The following SEM1 variants were observed in gnomAD, a reference collection of about 807,000 sequenced individuals.
The protein encoded by SEM1 is 26S proteasome complex subunit SEM1.
SEM1 carries 3 observed loss-of-function variants against 12.7 expected under a neutral mutation model. That is an observed-to-expected ratio of 0.24 (90% CI 0.11 to 0.61). SEM1 has a LOEUF of 0.61. SEM1 is among the 20% of genes least tolerant of loss of function. The probability of loss-of-function intolerance (pLI) is 0.88; values close to 1 mark genes in which losing one functional copy is unlikely to be tolerated. For synonymous variants in SEM1, 30 were observed against 27.8 expected (o/e 1.08, Z -0.25); for missense variants, 59 against 81.3 (o/e 0.73, Z 1.06).
chr7:96,524,202 A>G (rs940289994), intron 2 of SEM1, among the ~76,000 whole-genome samples: 13 of 152,114 alleles, frequency 8.5e-5, no homozygotes, highest in African/African-American at 3.1e-4. Flanking sequence ...AAGCATTTCT[A>G]CATCCGCCAT....
intron 2 of SEM1, among the ~76,000 whole-genome samples, chr7:96,641,910 A>C (rs144596643): frequency 1.1e-3 from 169 of 152,056 alleles, no homozygotes; most frequent in African/African-American, 4.0e-3. Flanking sequence ...TAAGCTCCTG[A>C]ATACTCAAAA....
At chr7:96,559,650 A>C (rs1035612580) in intron 2 of SEM1, among the ~76,000 whole-genome samples, 24 of 152,198 alleles carry the variant, frequency 1.6e-4, no homozygotes, top group African/African-American at 5.8e-4. Context: ...TTAGTAAATA[A>C]AGATCTATAT....
chr7:96,482,699 G>A (rs931801690), exon 4 of SEM1: 18 of 152,130 alleles, frequency 1.2e-4, no homozygotes, highest in African/African-American at 4.1e-4. Flanking sequence ...TTATACCATC[G>A]GTGTTGGAGG....
At chr7:96,485,361 A>G (rs1204675476) in intron 2 of SEM1, among the ~76,000 whole-genome samples, 1 of 151,996 alleles carries the variant, frequency 6.6e-6, no homozygotes, top group African/African-American at 2.4e-5. Context: ...TCAAGGCTTC[A>G]GGGGATTCCT....
chr7:96,485,347 C>T (rs569167628), intron 2 of SEM1, among the ~76,000 whole-genome samples: 4 of 151,924 alleles, frequency 2.6e-5, no homozygotes, highest in Non-Finnish European at 4.4e-5. Flanking sequence ...GACTGCATTC[C>T]TTCTCAAGGC....
intron 2 of SEM1, among the ~76,000 whole-genome samples, chr7:96,616,785 C>A (rs1807734850): frequency 6.6e-6 from 1 of 152,176 alleles, no homozygotes; most frequent in Non-Finnish European, 1.5e-5. Context: ...ACTTTCCCAG[C>A]ACCATTTATT....
intron 2 of SEM1, among the ~76,000 whole-genome samples, chr7:96,520,926 T>C (rs1473427717): frequency 1.3e-5 from 2 of 152,194 alleles, no homozygotes. Context: ...CCTCCATGGC[T>C]GATTGTCCTG....
intron 2 of SEM1, among the ~76,000 whole-genome samples, chr7:96,568,622 C>G (rs1805924680): frequency 6.6e-6 from 1 of 151,410 alleles, no homozygotes; most frequent in South Asian, 2.1e-4. Context: ...CCTTTTTTGC[C>G]TCCTTCAGGT....
intron 2 of SEM1, among the ~76,000 whole-genome samples, chr7:96,507,614 A>G (rs997676483): frequency 2.0e-5 from 3 of 152,082 alleles, no homozygotes; most frequent in African/African-American, 7.2e-5. Context: ...GCTGTGGATG[A>G]TGGCTACTAT....
At chr7:96,533,592 C>T (rs550886790) in intron 2 of SEM1, among the ~76,000 whole-genome samples, 9 of 152,108 alleles carry the variant, frequency 5.9e-5, no homozygotes, top group East Asian at 1.9e-4. Flanking sequence ...GTAGCAGAAA[C>T]GGCAGGCGCT....
intron 2 of SEM1, among the ~76,000 whole-genome samples, chr7:96,515,032 T>C (rs1054016566): frequency 6.6e-6 from 1 of 151,954 alleles, no homozygotes; most frequent in Non-Finnish European, 1.5e-5. Flanking sequence ...ATGGTATTGG[T>C]GAAAGAGTAT....
At chr7:96,562,519 T>C (rs778376808) in intron 2 of SEM1, among the ~76,000 whole-genome samples, 5 of 152,076 alleles carry the variant, frequency 3.3e-5, no homozygotes, top group Non-Finnish European at 5.9e-5. Flanking sequence ...ACGCTAAAAA[T>C]TAAAAAATAA....
chr7:96,646,408 T>C (rs768430626), intron 2 of SEM1, among the ~76,000 whole-genome samples: 3 of 152,246 alleles, frequency 2.0e-5, no homozygotes, highest in African/African-American at 4.8e-5. Flanking sequence ...TCTCTTATGT[T>C]CTGGGACCAC....
chr7:96,597,426 G>T (rs1233081574), intron 2 of SEM1, among the ~76,000 whole-genome samples: 1 of 152,072 alleles, frequency 6.6e-6, no homozygotes, highest in African/African-American at 2.4e-5. Context: ...TTATCAGGTG[G>T]TTGTGTTTTC....
intron 2 of SEM1, among the ~76,000 whole-genome samples, chr7:96,584,673 A>G (rs1806546147): frequency 6.7e-6 from 1 of 150,310 alleles, no homozygotes; most frequent in Non-Finnish European, 1.5e-5. Context: ...GTTTCTTTTT[A>G]TTCTTTTTTC....
intron 2 of SEM1, among the ~76,000 whole-genome samples, chr7:96,568,696 A>G (rs1032864603): frequency 6.6e-6 from 1 of 151,870 alleles, no homozygotes; most frequent in Non-Finnish European, 1.5e-5. Context: ...GTGTTGTAAA[A>G]GAGATTAAAA....
intron 2 of SEM1, among the ~76,000 whole-genome samples, chr7:96,582,587 G>T (rs1163354541): frequency 6.6e-6 from 1 of 152,180 alleles, no homozygotes; most frequent in African/African-American, 2.4e-5. Flanking sequence ...ATTCGGCTGT[G>T]AATCTGTCTG....
chr7:96,492,590 T>TA (rs1446786284), intron 1 of SEM1, among the ~76,000 whole-genome samples: 1 of 137,736 alleles, frequency 7.3e-6, no homozygotes, highest in African/African-American at 2.7e-5. Context: ...TTTGTATTTT[T>TA]TTTTTTTTTT....
At chr7:96,627,783 A>C (rs1361576188) in intron 2 of SEM1, among the ~76,000 whole-genome samples, 2 of 152,144 alleles carry the variant, frequency 1.3e-5, no homozygotes, top group Non-Finnish European at 2.9e-5. Context: ...TATTAGGTCC[A>C]TTTGGTCTAT....
Sources: gnomAD v4.1 joint callset for allele counts (sites outside exome capture counted in the v4.1 genomes callset) on GRCh38, gnomAD v4.1.1 for gene constraint, MANE v1.5 for transcripts, NCBI Gene and HGNC (gene_info 2026-07-23, HGNC 2026-07-21) for gene names.